PRR22: variants seen among roughly 807,000 people sequenced by gnomAD.
PRR22 encodes the protein proline-rich protein 22.
Under a neutral mutation model 7.2 loss-of-function variants are expected in PRR22, and 5 were observed. That is an observed-to-expected ratio of 0.69 (90% CI 0.36 to 1.45). PRR22 has a LOEUF of 1.45. Ranked by LOEUF, PRR22 falls within the 40% of genes most tolerant of loss-of-function variation. PRR22 has a pLI of 0.03. For synonymous variants in PRR22, 319 were observed against 269.3 expected (o/e 1.18, Z -1.81); for missense variants, 619 against 568.8 (o/e 1.09, Z -0.90).
At position 5,783,949 on chromosome 19, in the gene PRR22, T is replaced by C; in HGVS notation, c.298A>G (p.Ser100Gly). 2 of 1,597,838 alleles carry C rather than the reference T, an allele frequency of 1.3e-6. No homozygotes were observed. Among genetic ancestry groups the C allele is most frequent in the Middle Eastern group, 1.7e-4 (1 of 5,960 alleles). ...GQSALYKLAASSGGPAGVPSA... is the reference protein window; with the variant it reads ...GQSALYKLAAGSGGPAGVPSA... ...GGGACCCCCGCTGGCCCCCCGCTGC[T>C]TGCTGCCAGCTTATACAGGGCTGAC... Residue 100 changes from serine to glycine, a missense_variant, in exon 3 of 3, where the codon AGC becomes GGC. Physicochemically the swap from Ser to Gly is moderately conservative, Grantham distance 56. Coordinates refer to ENST00000419421, the MANE Select transcript of PRR22 (RefSeq NM_001134316.2).
Position 5,784,329 on chromosome 19 carries a change from A to G in PRR22, c.193+48T>C, listed in dbSNP as rs772584438. ...GGGCAGGGGCAAGATGGGCCTGCAC[A>G]CTCAAACCCACTCCCAGCCTCGTCA... is the stretch of plus-strand genomic sequence containing the variant. On this transcript the variant is annotated intron_variant, in intron 2 of 2. Transcript: ENST00000419421. 8.8e-6 allele frequency: 14 copies of G among 1,587,138 alleles called. No homozygotes were observed. In the African/African-American group the frequency reaches 1.6e-4, roughly 18 times the overall value.
Position 5,783,070 on chromosome 19 carries a change from C to T in PRR22, c.1177G>A (p.Gly393Arg). The T allele has an allele frequency of 6.3e-7, 1 of 1,597,260 alleles. No homozygotes were observed. Among genetic ancestry groups the T allele is most frequent in the South Asian group, 1.1e-5 (1 of 89,438 alleles). The part of the protein sequence containing the change: ...GKRKASTAKK[G>R]KPGRKARQPA... ...TGCCTGGCCTTCCTTCCCGGCTTTC[C>T]CTTCTTGGCCGTCGAGGCCTTTCTC... Residue 393 changes from glycine to arginine, a missense_variant, in exon 3 of 3, where the codon GGA (glycine) becomes AGA (arginine). By Grantham distance (125) the Gly-to-Arg change is moderately radical. Transcript: ENST00000419421.
chr19:5,783,110 G>A lies in PRR22; in HGVS notation c.1137C>T (p.Pro379=). 6.2e-7 allele frequency: 1 copy of A among 1,611,436 alleles called. No homozygotes were observed. Among genetic ancestry groups the A allele is most frequent in the South Asian group, 1.1e-5 (1 of 91,034 alleles). Residue 379 remains proline, a synonymous_variant, in exon 3 of 3, where the codon CCC becomes CCT. Coordinates refer to ENST00000419421, the MANE Select transcript of PRR22 (RefSeq NM_001134316.2). ...PGPPATNTPA[P]ILSGKRKAST... ...AGGCCTTTCTCTTGCCAGACAGAAT[G>A]GGGGCCGGGGTGTTGGTGGCAGGGG...
rs1295169715 is a variant in PRR22, at chr19:5,783,417, G to C, written c.830C>G (p.Ala277Gly). 2.5e-6 allele frequency: 4 copies of C among 1,612,338 alleles called. No individual in the cohort carries two copies. The South Asian group carries it at 4.4e-5, about 18-fold the overall frequency. ...GKAKAPKTAR[A>G]LALPDKVLLE... The stretch of plus-strand genomic sequence containing the variant: ...CAGAACCTTGTCAGGCAGTGCCAAA[G>C]CTCTGGCCGTCTTGGGGGCCTTGGC... The change falls in exon 3 of 3, where the codon GCT becomes GGT. Residue 277 changes from alanine (A) to glycine (G), a missense_variant. Ala to Gly is a moderately conservative substitution (Grantham distance 60). Coordinates refer to ENST00000419421, the MANE Select transcript of PRR22 (RefSeq NM_001134316.2).
rs1450646685 is a variant in PRR22, at chr19:5,783,856, G to A, written c.391C>T (p.Pro131Ser). Residue 131 changes from proline to serine, a missense_variant, in exon 3 of 3, where the codon CCC becomes TCC. Pro to Ser is a moderately conservative substitution (Grantham distance 74). Coordinates refer to ENST00000419421, the MANE Select transcript of PRR22 (RefSeq NM_001134316.2). Reference sequence around the variant, plus strand: ...CCCCCGGGTGCCTGCTGGTAGTGGGGGTATGGAGGCAGCCCCGGGGCCTTG... The same window carrying A: ...CCCCCGGGTGCCTGCTGGTAGTGGGAGTATGGAGGCAGCCCCGGGGCCTTG... ...YLKAPGLPPY[P>S]HYQQAPGGPQ... 6.4e-7 allele frequency: 1 copy of A among 1,566,138 alleles called. No homozygotes were observed. The highest frequency in any genetic ancestry group is 8.7e-7 in the Non-Finnish European group (1 of 1,155,866).
At position 5,784,712 on chromosome 19, in the gene PRR22, G is replaced by C. The variant is rs2056822691; in HGVS notation, c.-52C>G. On this transcript the variant is annotated 5_prime_UTR_variant, in exon 1 of 3. Coordinates refer to ENST00000419421, the MANE Select transcript of PRR22 (RefSeq NM_001134316.2). ...AGGCCAGGAGGGCGGCAGTGGGAGT[G>C]CAAGTGGCCCAACCGGAGAACAGGC... The C allele has an allele frequency of 1.3e-6, 2 of 1,516,466 alleles. No homozygotes were observed. Among genetic ancestry groups the C allele is most frequent in the African/African-American group, 1.4e-5 (1 of 72,560 alleles). 93.9% of individuals were successfully genotyped at this position (1,516,466 alleles called of 1,614,324 possible).
chr19:5,783,811 AG>A lies in PRR22; in HGVS notation c.435del (p.Tyr146ThrfsTer31). ...GGCCCGGGGCCCTCAGGCGGGAAGT[AG>A]GGCAAGAGAAACTGGGGCCCCCCGG... Reference protein sequence around the residue: ...QAPGGPQFLLPYFPPEGPGPE... With the variant: ...QAPGGPQFLLXYFPPEGPGPE... On this transcript the variant is annotated frameshift_variant, in exon 3 of 3. Coordinates refer to ENST00000419421, the MANE Select transcript of PRR22 (RefSeq NM_001134316.2). LOFTEE classifies it low-confidence loss of function (END_TRUNC). The A allele has an allele frequency of 6.6e-7, 1 of 1,517,524 alleles. No individual in the cohort carries two copies. Among genetic ancestry groups the A allele is most frequent in the Non-Finnish European group, 8.8e-7 (1 of 1,131,706 alleles). 94.0% of individuals were successfully genotyped at this position (1,517,524 alleles called of 1,614,324 possible).
At chr19:5,784,302 C>G in intron 2 of PRR22, 75 bp downstream of exon 2, 2 of 1,497,098 alleles carry the variant, frequency 1.3e-6, no homozygotes, top group Non-Finnish European at 1.8e-6. Flanking sequence ...CACTTAGGGA[C>G]GGGGCAGGGG....
At chr19:5,784,145 C>T (rs967450982) in intron 2 of PRR22, 92 bp from the exon 3 acceptor site, 1 of 1,298,732 alleles carries the variant, frequency 7.7e-7, no homozygotes, top group Non-Finnish European at 1.1e-6. Flanking sequence ...CCACAAGAAC[C>T]TTGCCATTGG....
rs1184054070 is a variant in PRR22 at position 5,784,641 on chromosome 19, A to AACGGTTTGGGGTGCTGC, written c.3_19dup (p.Phe7CysfsTer46). ...TTCCTGGGGAGCTGCAGGGGCACAG[A>AACGGTTTGGGGTGCTGC]ACGGTTTGGGGTGCTGCATGGGGCA... On this transcript the variant is annotated frameshift_variant, in exon 1 of 3. Coordinates refer to ENST00000419421, the MANE Select transcript of PRR22 (RefSeq NM_001134316.2). LOFTEE classifies it high-confidence loss of function. 5 of 1,535,010 alleles carry AACGGTTTGGGGTGCTGC rather than the reference A, an allele frequency of 3.3e-6. No homozygotes were observed.
Position 5,783,434 on chromosome 19 carries a change from G to A in PRR22, c.813C>T (p.Ala271=). The A allele has an allele frequency of 1.9e-6, 3 of 1,611,808 alleles. No individual in the cohort carries two copies. The highest frequency in any genetic ancestry group is 1.7e-6 in the Non-Finnish European group (2 of 1,179,582). The part of the protein sequence containing the change: ...GALLGAGKAK[A]PKTARALALP... The stretch of plus-strand genomic sequence containing the variant: ...GTGCCAAAGCTCTGGCCGTCTTGGG[G>A]GCCTTGGCCTTGCCTGCTCCCAGCA... Residue 271 remains alanine, a synonymous_variant, in exon 3 of 3, where the codon GCC becomes GCT. Transcript: ENST00000419421.
chr19:5,783,526 G>T lies in PRR22; in HGVS notation c.721C>A (p.Pro241Thr). 1 of 1,603,292 alleles carries T rather than the reference G, an allele frequency of 6.2e-7. No individual in the cohort carries two copies. The highest frequency in any genetic ancestry group is 8.5e-7 in the Non-Finnish European group (1 of 1,175,842). Reference sequence around the variant, plus strand: ...CCCGGTGGGTACAGGGGCACCCCAGGTCGGGCCCCACTGCCCTGCAGCTCC... The same window carrying T: ...CCCGGTGGGTACAGGGGCACCCCAGTTCGGGCCCCACTGCCCTGCAGCTCC... ...VKELQGSGAR[P>T]GVPLYPPGLS... The change falls in exon 3 of 3, where the codon CCT (proline) becomes ACT (threonine). Residue 241 changes from proline to threonine, a missense_variant. Coordinates refer to ENST00000419421, the MANE Select transcript of PRR22 (RefSeq NM_001134316.2).
Position 5,784,081 on chromosome 19 carries a change from A to G in PRR22, c.194-28T>C, listed in dbSNP as rs746824478. The G allele has an allele frequency of 5.6e-6, 9 of 1,596,344 alleles. No homozygotes were observed. The South Asian group carries it at 6.6e-5, about 12-fold the overall frequency. ...GTGGGCGGCAGGCGGGTGCCCTGAG[A>G]GCAGCTGCTGCCTGAGGGGCCCAGC... On this transcript the variant is annotated intron_variant, in intron 2 of 2. Transcript: ENST00000419421.
In PRR22 at chr19:5,783,661, CA is replaced by C; in HGVS notation, c.585del (p.Val196TyrfsTer95). The C allele has an allele frequency of 2.0e-6, 3 of 1,524,450 alleles. No individual in the cohort carries two copies. The South Asian group carries it at 3.6e-5, about 18-fold the overall frequency. The allele number at this position is 1,524,450 out of a possible 1,614,324, so 94.4% of individuals were successfully genotyped here. A position where few individuals can be genotyped will look rare whatever the true frequency, so the allele number is the denominator to read the frequency against. On this transcript the variant is annotated frameshift_variant, in exon 3 of 3. Coordinates refer to ENST00000419421, the MANE Select transcript of PRR22 (RefSeq NM_001134316.2). LOFTEE classifies it low-confidence loss of function (END_TRUNC). Reference protein sequence around the residue: ...PPPPKENKPPPVLITLPAEPT... With the variant: ...PPPPKENKPPXVLITLPAEPT... ...GGCTCTGCAGGCAGCGTGATGAGTA[CA>C]GGGGGCGGCTTGTTCTCCTTGGGGG... is the stretch of plus-strand genomic sequence containing the variant.
rs772941424 is a variant in PRR22, at chr19:5,783,723, G to A, written c.524C>T (p.Pro175Leu). The change falls in exon 3 of 3, where the codon CCC becomes CTC. Residue 175 changes from proline to leucine, a missense_variant. Coordinates refer to ENST00000419421, the MANE Select transcript of PRR22 (RefSeq NM_001134316.2). ...PAAFVELPLP[P>L]LEEGPAPLPP... ...CAGCGGGGCCGGGCCTTCCTCTAGG[G>A]GCGGTAGGGGCAGCTCCACGAAGGC... 5.3e-6 allele frequency: 8 copies of A among 1,511,342 alleles called. No individual in the cohort carries two copies. Among genetic ancestry groups the A allele is most frequent in the Non-Finnish European group, 6.2e-6 (7 of 1,129,286 alleles). The allele number at this position is 1,511,342 out of a possible 1,614,324, so 93.6% of individuals were successfully genotyped here.
intron 2 of PRR22, 142 bp from the exon 3 acceptor site, chr19:5,784,195 C>A (rs1476946457): frequency 4.7e-6 from 5 of 1,066,776 alleles, no homozygotes; most frequent in Non-Finnish European, 5.9e-6. Context: ...TGCTTTGGGG[C>A]CCTGGCTGGG....
Position 5,784,020 on chromosome 19 carries a change from T to A in PRR22, c.227A>T (p.Asp76Val). 1 of 1,609,590 alleles carries A rather than the reference T, an allele frequency of 6.2e-7. No individual in the cohort carries two copies. Among genetic ancestry groups the A allele is most frequent in the South Asian group, 1.1e-5 (1 of 90,918 alleles). ...CCACTCGATCCGATAGATGCGGGGG[T>A]CGAAGAAGCACCCGCATGGGGCCAT... ...FQMAPCGCFFDPRIYRIEWTT... is the reference protein window; with the variant it reads ...FQMAPCGCFFVPRIYRIEWTT... The change falls in exon 3 of 3, where the codon GAC (aspartate) becomes GTC (valine). Residue 76 changes from aspartate to valine, a missense_variant. Coordinates refer to ENST00000419421, the MANE Select transcript of PRR22 (RefSeq NM_001134316.2).
At position 5,784,530 on chromosome 19, in the gene PRR22, C is replaced by T. The variant is rs1369255246; in HGVS notation, c.130+1G>A. ...AGGTGCTCCCACCCACCCGATCGTA[C>T]CCATAGCGGGAGGAGGCTCGGCACA... On this transcript the variant is annotated splice_donor_variant, in intron 1 of 2. Coordinates refer to ENST00000419421, the MANE Select transcript of PRR22 (RefSeq NM_001134316.2). LOFTEE classifies it high-confidence loss of function. 1.3e-6 allele frequency: 2 copies of T among 1,550,058 alleles called. No homozygotes were observed. Among genetic ancestry groups the T allele is most frequent in the Non-Finnish European group, 1.7e-6 (2 of 1,146,884 alleles).
In PRR22 at chr19:5,783,176, G is replaced by C. The variant is rs767807937; in HGVS notation, c.1071C>G (p.Asn357Lys). ...DTVSNVDYFFNFKALDEEQPP... is the reference protein window; with the variant it reads ...DTVSNVDYFFKFKALDEEQPP... Reference sequence around the variant, plus strand: ...GCTGCTCCTCGTCGAGCGCCTTGAAGTTGAAGAAGTAGTCAACGTTGGACA... The same window carrying C: ...GCTGCTCCTCGTCGAGCGCCTTGAACTTGAAGAAGTAGTCAACGTTGGACA... Residue 357 changes from asparagine (N) to lysine (K), a missense_variant, in exon 3 of 3, where the codon AAC becomes AAG. Asn to Lys is a moderately conservative substitution (Grantham distance 94, BLOSUM62 0). Coordinates refer to ENST00000419421, the MANE Select transcript of PRR22 (RefSeq NM_001134316.2). 2.5e-6 allele frequency: 4 copies of C among 1,612,582 alleles called. No individual in the cohort carries two copies. Among genetic ancestry groups the C allele is most frequent in the Non-Finnish European group, 3.4e-6 (4 of 1,179,944 alleles).
Sources: gnomAD v4.1 joint callset for allele counts on GRCh38, gnomAD v4.1.1 for gene constraint, MANE v1.5 for transcripts, NCBI Gene and HGNC (gene_info 2026-07-23, HGNC 2026-07-21) for gene names.